Variants in LDB2 observed in about 807,000 individuals in gnomAD.
The protein encoded by LDB2 is LIM domain binding 2.
A neutral mutation model predicts 44.3 loss-of-function variants in LDB2; 12 were observed. The observed-to-expected ratio is 0.27, with a 90% CI of 0.17 to 0.44. The LOEUF (loss-of-function observed/expected upper bound fraction) is 0.44. Ranked by LOEUF, LDB2 falls within the 20% of genes least tolerant of loss-of-function variation. The pLI, the probability that LDB2 is intolerant of heterozygous loss-of-function variation, is 1.00. For synonymous variants in LDB2, 164 were observed against 174.8 expected, an observed-to-expected ratio of 0.94 and a Z score of 0.49; for missense variants, 344 against 473.5, an observed-to-expected ratio of 0.73 and a Z score of 2.54.
intron 1 of LDB2, among the ~76,000 whole-genome samples, chr4:16,874,017 C>T (rs1654705998): frequency 6.6e-6 from 1 of 152,126 alleles, no homozygotes; most frequent in African/African-American, 2.4e-5. Flanking sequence ...CCCTATTGTA[C>T]TGATATATCA....
chr4:16,666,499 T>C (rs1743263054), intron 2 of LDB2, among the ~76,000 whole-genome samples: 1 of 152,234 alleles, frequency 6.6e-6, no homozygotes, highest in Non-Finnish European at 1.5e-5. Flanking sequence ...GCATGTGGAA[T>C]AAACATGAGC....
intron 2 of LDB2, among the ~76,000 whole-genome samples, chr4:16,739,940 C>T (rs1762903728): frequency 6.6e-6 from 1 of 151,102 alleles, no homozygotes; most frequent in East Asian, 2.0e-4. Context: ...AATACATTGC[C>T]TTTCACACTT....
At chr4:16,566,095 TAATAGC>T (rs1744430279) in intron 5 of LDB2, among the ~76,000 whole-genome samples, 1 of 151,970 alleles carries the variant, frequency 6.6e-6, no homozygotes, top group Non-Finnish European at 1.5e-5. Flanking sequence ...AACATCATCA[TAATAGC>T]AATTTTCCCA....
At chr4:16,583,389 C>T (rs1319044377) in intron 5 of LDB2, among the ~76,000 whole-genome samples, 1 of 152,272 alleles carries the variant, frequency 6.6e-6, no homozygotes, top group South Asian at 2.1e-4. Flanking sequence ...CATCTGACCT[C>T]TTTTTCTGAT....
intron 1 of LDB2, among the ~76,000 whole-genome samples, chr4:16,897,238 C>T (rs1725274685): frequency 6.6e-6 from 1 of 152,174 alleles, no homozygotes; most frequent in Non-Finnish European, 1.5e-5. Flanking sequence ...AGTCAATCTT[C>T]AATCTAAAAT....
chr4:16,795,678 A>G (rs1776601141), intron 1 of LDB2, among the ~76,000 whole-genome samples: 1 of 152,260 alleles, frequency 6.6e-6, no homozygotes, highest in South Asian at 2.1e-4. Flanking sequence ...ATCACTTATG[A>G]CACTGATCTG....
At chr4:16,629,210 A>G (rs1303964867) in intron 2 of LDB2, among the ~76,000 whole-genome samples, 1 of 152,198 alleles carries the variant, frequency 6.6e-6, no homozygotes, top group African/African-American at 2.4e-5. Context: ...ATCAGAACAA[A>G]AGGCAGCAGA....
In LDB2 at chr4:16,869,588, T is replaced by C. The variant is rs532003923; in HGVS notation, c.132+28766A>G. Among the ~76,000 whole-genome samples, 3 of 152,320 alleles carry C rather than the reference T, an allele frequency of 2.0e-5. No individual in the cohort carries two copies. The South Asian group carries it at 6.2e-4, about 32-fold the overall frequency. On this transcript the variant is annotated intron_variant, in intron 1 of 7. Coordinates refer to ENST00000304523, the MANE Select transcript of LDB2 (RefSeq NM_001290.5). ...GGCAACAGACTCATCTTCAGTTAGATGACTTGGCTGAGGCATGGTCGACCT... is the reference window on the plus strand; with the variant it reads ...GGCAACAGACTCATCTTCAGTTAGACGACTTGGCTGAGGCATGGTCGACCT...
At chr4:16,574,744 T>C (rs1187284187) in intron 5 of LDB2, among the ~76,000 whole-genome samples, 2 of 152,210 alleles carry the variant, frequency 1.3e-5, no homozygotes, top group African/African-American at 2.4e-5. Flanking sequence ...GAGACTGGCA[T>C]TTATTATGCT....
At chr4:16,570,411 C>T (rs1415029370) in intron 5 of LDB2, among the ~76,000 whole-genome samples, 2 of 123,008 alleles carry the variant, frequency 1.6e-5, no homozygotes, top group Admixed American at 1.1e-4. Context: ...TGCAGTGAGC[C>T]GAGATGGCGC....
At chr4:16,762,621 C>T (rs1428834545) in intron 1 of LDB2, among the ~76,000 whole-genome samples, 1 of 152,072 alleles carries the variant, frequency 6.6e-6, no homozygotes, top group Non-Finnish European at 1.5e-5. Flanking sequence ...GGGAAACCAC[C>T]CCCATGATTC....
intron 2 of LDB2, among the ~76,000 whole-genome samples, chr4:16,671,631 T>C (rs1744790493): frequency 6.6e-6 from 1 of 152,126 alleles, no homozygotes; most frequent in Admixed American, 6.5e-5. Flanking sequence ...TGATGGGAAC[T>C]TGGACACAGA....
At chr4:16,841,551 A>C (rs1225228812) in intron 1 of LDB2, among the ~76,000 whole-genome samples, 1 of 152,246 alleles carries the variant, frequency 6.6e-6, no homozygotes, top group Non-Finnish European at 1.5e-5. Flanking sequence ...TGAGAACATT[A>C]CTTTTCATCT....
In LDB2 at chr4:16,508,692, A is replaced by G. The variant is rs750856836; in HGVS notation, c.740-6T>C. 4.3e-6 allele frequency: 7 copies of G among 1,613,080 alleles called. No homozygotes were observed. Among genetic ancestry groups the G allele is most frequent in the East Asian group, 2.2e-5 (1 of 44,840 alleles). ...TGGTTGCCTTGTGGGTTCTGCTGCA[A>G]TATGGAAAAGGGAAGAGGGATCAGT... is the stretch of plus-strand genomic sequence containing the variant. On this transcript the variant is annotated splice_polypyrimidine_tract_variant and splice_region_variant and intron_variant, in intron 6 of 7. Coordinates refer to ENST00000304523, the MANE Select transcript of LDB2 (RefSeq NM_001290.5).
intron 7 of LDB2, chr4:16,506,156 T>TTGA: frequency 1.7e-6 from 1 of 585,438 alleles, no homozygotes; most frequent in Non-Finnish European, 2.9e-6. Flanking sequence ...TAGAATAGTG[T>TTGA]TGATAACTCA....
chr4:16,828,878 C>A (rs188622278), intron 1 of LDB2, among the ~76,000 whole-genome samples: 161 of 152,176 alleles, frequency 1.1e-3, no homozygotes, highest in Admixed American at 2.4e-3. Flanking sequence ...GAGACACCTG[C>A]AACACGGCAC....
intron 5 of LDB2, among the ~76,000 whole-genome samples, chr4:16,558,851 C>T (rs1417253648): frequency 6.6e-6 from 1 of 152,184 alleles, no homozygotes; most frequent in African/African-American, 2.4e-5. Flanking sequence ...ATCAGACTAA[C>T]AGCAGATCTC....
At chr4:16,665,511 C>T (rs181367913) in intron 2 of LDB2, among the ~76,000 whole-genome samples, 322 of 152,112 alleles carry the variant, frequency 2.1e-3, no homozygotes, top group African/African-American at 6.6e-3. Flanking sequence ...ATGATCTGCC[C>T]ACCTCGGCCT....
intron 2 of LDB2, among the ~76,000 whole-genome samples, chr4:16,665,098 A>G (rs970945292): frequency 8.5e-5 from 13 of 152,104 alleles, no homozygotes; most frequent in African/African-American, 2.7e-4. Context: ...GCTGTATGGG[A>G]GAGGGGGAAA....
Sources: allele counts gnomAD v4.1 joint callset (sites outside exome capture counted in the v4.1 genomes callset), GRCh38; gene constraint gnomAD v4.1.1; transcripts MANE v1.5; gene names NCBI Gene and HGNC (gene_info 2026-07-23, HGNC 2026-07-21).